FTO: variants seen among roughly 807,000 people sequenced by gnomAD.
FTO encodes alpha-ketoglutarate-dependent dioxygenase FTO.
A neutral mutation model predicts 63.9 loss-of-function variants in FTO; 47 were observed. That is an observed-to-expected ratio of 0.74 (90% CI 0.58 to 0.94). The LOEUF is 0.94. Among genes scored for constraint, FTO ranks in the 40% least tolerant of loss-of-function variants. FTO has a pLI of 0.00. For missense variants in FTO, 562 were observed against 618.1 expected (o/e 0.91, Z 0.96); for synonymous variants, 207 against 224.4 (o/e 0.92, Z 0.69).
chr16:53,745,358 C>T (rs2093626653), intron 1 of FTO, among the ~76,000 whole-genome samples: 1 of 152,222 alleles, frequency 6.6e-6, no homozygotes, highest in South Asian at 2.1e-4. Context: ...ACCCACTCCA[C>T]ATACCTTCTG....
intron 4 of FTO, among the ~76,000 whole-genome samples, chr16:53,852,565 T>G (rs2079841896): frequency 1.3e-5 from 2 of 152,182 alleles, no homozygotes; most frequent in African/African-American, 4.8e-5. Context: ...GATCTGAAAT[T>G]AGAAAGCCAG....
intron 8 of FTO, among the ~76,000 whole-genome samples, chr16:53,960,777 C>G (rs932448381): frequency 6.6e-6 from 1 of 152,042 alleles, no homozygotes; most frequent in Non-Finnish European, 1.5e-5. Flanking sequence ...GGTTTTGACC[C>G]CTTGACTCCC....
intron 7 of FTO, among the ~76,000 whole-genome samples, chr16:53,921,633 G>A (rs1019009160): frequency 1.3e-5 from 2 of 152,130 alleles, no homozygotes; most frequent in Non-Finnish European, 2.9e-5. Context: ...ATAAGGCAAG[G>A]CACCGTGGAA....
At chr16:53,761,194 T>C (rs1344054088) in intron 1 of FTO, among the ~76,000 whole-genome samples, 1 of 151,960 alleles carries the variant, frequency 6.6e-6, no homozygotes, top group East Asian at 1.9e-4. Flanking sequence ...ACTCCTGGGC[T>C]GAAGGGATCC....
intron 4 of FTO, among the ~76,000 whole-genome samples, chr16:53,856,184 A>G (rs1164316906): frequency 6.6e-6 from 1 of 152,014 alleles, no homozygotes; most frequent in African/African-American, 2.4e-5. Context: ...ACTGTGAATG[A>G]TGCCATTATT....
intron 1 of FTO, among the ~76,000 whole-genome samples, chr16:53,756,019 A>G (rs2076915909): frequency 6.6e-6 from 1 of 152,144 alleles, no homozygotes; most frequent in Admixed American, 6.6e-5. Context: ...GAAGATGAAA[A>G]CGCCAAACCC....
intron 8 of FTO, chr16:53,991,174 A>C (rs1206838778): frequency 6.6e-6 from 1 of 152,132 alleles, no homozygotes; most frequent in Non-Finnish European, 1.5e-5. Context: ...CTGTAACCCA[A>C]ATCTCAGCGT....
At chr16:53,895,347 G>A (rs1226132677) in intron 7 of FTO, among the ~76,000 whole-genome samples, 1 of 152,134 alleles carries the variant, frequency 6.6e-6, no homozygotes, top group Non-Finnish European at 1.5e-5. Flanking sequence ...AATTCCAAGA[G>A]AATTCAGGCT....
chr16:54,118,500 T>C lies in FTO; in HGVS notation c.*6585T>C, dbSNP rs2086986924. On this transcript the variant is annotated 3_prime_UTR_variant, in exon 9 of 9. Coordinates refer to ENST00000471389, the MANE Select transcript of FTO (RefSeq NM_001080432.3). ...TCAGCCTCCTAAGTAGTCGGGATCA[T>C]AGGCACTTGCCACCACATCCGGCTA... 6.6e-6 allele frequency: 1 copy of C among 152,058 alleles called. No homozygotes were observed. The highest frequency in any genetic ancestry group is 1.5e-5 in the Non-Finnish European group (1 of 68,044). The allele number at this position is 152,058 out of a possible 1,614,324, so 9.4% of individuals were successfully genotyped here.
intron 8 of FTO, among the ~76,000 whole-genome samples, chr16:53,946,510 T>C (rs2082653503): frequency 6.6e-6 from 1 of 152,246 alleles, no homozygotes; most frequent in Admixed American, 6.5e-5. Flanking sequence ...GCTTCCAGAA[T>C]GTATGCTAAA....
chr16:54,041,951 A>G (rs184271699), intron 8 of FTO, among the ~76,000 whole-genome samples: 33 of 152,192 alleles, frequency 2.2e-4, no homozygotes, highest in Non-Finnish European at 1.5e-5. Flanking sequence ...GGCTGTTCCT[A>G]TTGTCGTGGA....
At chr16:54,025,127 T>C (rs2084684821) in intron 8 of FTO, among the ~76,000 whole-genome samples, 2 of 152,202 alleles carry the variant, frequency 1.3e-5, no homozygotes, top group Non-Finnish European at 2.9e-5. Context: ...TTAGTCTGGA[T>C]CTCATACCTG....
chr16:53,711,819 A>G (rs1253483242), intron 1 of FTO, among the ~76,000 whole-genome samples: 5 of 152,222 alleles, frequency 3.3e-5, no homozygotes, highest in Non-Finnish European at 5.9e-5. Flanking sequence ...TCAATGAAGG[A>G]AAATATCCAG....
chr16:53,745,626 T>A (rs766771417), intron 1 of FTO, among the ~76,000 whole-genome samples: 1 of 152,136 alleles, frequency 6.6e-6, no homozygotes, highest in Non-Finnish European at 1.5e-5. Context: ...GTGTAGGGTG[T>A]ATAGGAGAGG....
intron 6 of FTO, among the ~76,000 whole-genome samples, chr16:53,887,639 T>A (rs1420221745): frequency 6.6e-6 from 1 of 152,202 alleles, no homozygotes; most frequent in East Asian, 1.9e-4. Flanking sequence ...TCAAAGGAAA[T>A]GTTTATTGGA....
chr16:53,921,756 T>G lies in FTO; in HGVS notation c.1240-12229T>G, dbSNP rs1014575750. 4.5e-4 allele frequency among the ~76,000 whole-genome samples: 68 copies of G among 152,226 alleles called. 1 individual carries two copies. The highest frequency in any genetic ancestry group is 1.5e-3 in the African/African-American group (62 of 41,462). ...ATTGCTATGTGCCATGGCTGCAGTTTGAGCATTTTCATTTTCTTTATTGAA... is the reference window on the plus strand; with the variant it reads ...ATTGCTATGTGCCATGGCTGCAGTTGGAGCATTTTCATTTTCTTTATTGAA... On this transcript the variant is annotated intron_variant, in intron 7 of 8. Coordinates refer to ENST00000471389, the MANE Select transcript of FTO (RefSeq NM_001080432.3).
intron 1 of FTO, among the ~76,000 whole-genome samples, chr16:53,774,722 G>C (rs1381955998): frequency 6.6e-6 from 1 of 152,122 alleles, no homozygotes; most frequent in African/African-American, 2.4e-5. Context: ...CTCCAGAGAT[G>C]GGCTTCTGAA....
At chr16:53,912,031 G>C (rs192294958) in intron 7 of FTO, among the ~76,000 whole-genome samples, 27 of 152,290 alleles carry the variant, frequency 1.8e-4, no homozygotes, top group African/African-American at 6.5e-4. Context: ...TAAAATCCAA[G>C]GTGCATTTTG....
intron 8 of FTO, among the ~76,000 whole-genome samples, chr16:54,109,018 A>G (rs1249340003): frequency 4.6e-5 from 7 of 152,334 alleles, no homozygotes; most frequent in Admixed American, 1.3e-4. Flanking sequence ...TCAGTTCCAT[A>G]GTCTGGCATG....
Sources: gnomAD v4.1 joint callset for allele counts (sites outside exome capture counted in the v4.1 genomes callset) on GRCh38, gnomAD v4.1.1 for gene constraint, MANE v1.5 for transcripts, NCBI Gene and HGNC (gene_info 2026-07-23, HGNC 2026-07-21) for gene names.